The following CORO2B variants were observed in gnomAD, a reference collection of about 807,000 sequenced individuals.
CORO2B encodes coronin 2B, also known as coronin-2B.
A neutral mutation model predicts 58.8 loss-of-function variants in CORO2B; 26 were observed. The observed-to-expected ratio is 0.44, with a 90% CI of 0.32 to 0.61. The LOEUF is 0.61. CORO2B is among the 20% of genes least tolerant of loss of function. The probability of loss-of-function intolerance (pLI) is 0.04; values close to 1 mark genes in which losing one functional copy is unlikely to be tolerated. For missense variants in CORO2B, 460 were observed against 645.1 expected (o/e 0.71, Z 3.11); for synonymous variants, 242 against 253.8 (o/e 0.95, Z 0.44).
chr15:68,540,387 A>G, the CORO2B span, among the ~76,000 whole-genome samples: 1 of 152,278 alleles, frequency 6.6e-6, no homozygotes, highest in African/African-American at 2.4e-5. Context: ...TTTGAATTTT[A>G]TAATTGGCAG....
upstream of CORO2B, among the ~76,000 whole-genome samples, chr15:68,575,517 T>C (rs1397490463): frequency 7.6e-6 from 1 of 132,238 alleles, no homozygotes; most frequent in East Asian, 2.4e-4. Context: ...GTATGTTTAG[T>C]AGAAATGGGG....
intron 1 of CORO2B, among the ~76,000 whole-genome samples, chr15:68,619,317 TC>T (rs1425283122): frequency 1.3e-5 from 2 of 152,216 alleles, no homozygotes; most frequent in Non-Finnish European, 2.9e-5. Context: ...TAGATTTTCA[TC>T]CTGCTGCAAT....
At chr15:68,643,767 G>A (rs888369637) in intron 1 of CORO2B, among the ~76,000 whole-genome samples, 6 of 152,206 alleles carry the variant, frequency 3.9e-5, no homozygotes, top group African/African-American at 7.2e-5. Flanking sequence ...AGGCGGCACC[G>A]TGGCTCACAC....
chr15:68,573,640 AACAG>A, the CORO2B span, among the ~76,000 whole-genome samples: 4 of 152,112 alleles, frequency 2.6e-5, no homozygotes, highest in Non-Finnish European at 4.4e-5. Context: ...TGGGTGACAA[AACAG>A]ACAGAAAGGG....
the CORO2B span, among the ~76,000 whole-genome samples, chr15:68,563,760 A>G: frequency 1.3e-5 from 2 of 152,132 alleles, no homozygotes; most frequent in South Asian, 4.1e-4. Context: ...GAACAATTGT[A>G]TGCCAAAAAA....
the CORO2B span, among the ~76,000 whole-genome samples, chr15:68,528,702 T>C: frequency 3.2e-3 from 485 of 150,516 alleles, 4 homozygotes; most frequent in African/African-American, 0.011. Context: ...TTTTTTTTTT[T>C]TTTGAATTGG....
At chr15:68,544,775 CTTTTTTTTTTT>C in the CORO2B span, among the ~76,000 whole-genome samples, 2 of 140,800 alleles carry the variant, frequency 1.4e-5, no homozygotes, top group South Asian at 4.5e-4. Context: ...CATACACATT[CTTTTTTTTTTT>C]TTTTTTTTGA....
chr15:68,610,211 G>A (rs1420065568), intron 1 of CORO2B, among the ~76,000 whole-genome samples: 1 of 152,132 alleles, frequency 6.6e-6, no homozygotes, highest in Admixed American at 6.5e-5. Context: ...CTCACTAAAT[G>A]TCAATGGATG....
At position 68,726,001 on chromosome 15, in the gene CORO2B, C is replaced by T. The variant is rs200618733; in HGVS notation, c.*27C>T. On this transcript the variant is annotated 3_prime_UTR_variant, in exon 12 of 12. Coordinates refer to ENST00000261861, the MANE Select transcript of CORO2B (RefSeq NM_006091.5). Reference sequence around the variant, plus strand: ...TCCCCAGCTGGGCTGTTTTCTAAGCCGATCTCTCCGTCGTTTCTACTCATC... The same window carrying T: ...TCCCCAGCTGGGCTGTTTTCTAAGCTGATCTCTCCGTCGTTTCTACTCATC... The T allele has an allele frequency of 2.7e-4, 437 of 1,610,606 alleles. 2 individuals are homozygous for T. Among genetic ancestry groups the T allele is most frequent in the Non-Finnish European group, 2.4e-4 (283 of 1,179,856 alleles).
the CORO2B span, among the ~76,000 whole-genome samples, chr15:68,523,533 G>A: frequency 6.6e-6 from 1 of 152,136 alleles, no homozygotes; most frequent in African/African-American, 2.4e-5. Context: ...GACCATGAAA[G>A]GTTTCCCAAC....
intron 11 of CORO2B, among the ~76,000 whole-genome samples, chr15:68,720,210 C>T (rs1893129054): frequency 2.0e-5 from 3 of 152,352 alleles, no homozygotes; most frequent in Admixed American, 6.5e-5. Context: ...AATCCTGGCT[C>T]TGCCATTTCC....
intron 1 of CORO2B, among the ~76,000 whole-genome samples, chr15:68,629,444 G>A (rs1043483916): frequency 3.9e-5 from 6 of 152,220 alleles, no homozygotes; most frequent in Middle Eastern, 3.2e-3. Flanking sequence ...TGGTCCTGAC[G>A]CAGTGGAAGA....
At chr15:68,525,051 T>C in the CORO2B span, among the ~76,000 whole-genome samples, 1 of 152,244 alleles carries the variant, frequency 6.6e-6, no homozygotes, top group African/African-American at 2.4e-5. Flanking sequence ...CCTCTCTGTC[T>C]TATATTTAGG....
the CORO2B span, among the ~76,000 whole-genome samples, chr15:68,555,383 G>A: frequency 1.3e-5 from 2 of 152,172 alleles, no homozygotes; most frequent in Non-Finnish European, 2.9e-5. Context: ...CTGAGAGAAT[G>A]AGCTCCCCAC....
chr15:68,687,905 T>G (rs529164912), intron 2 of CORO2B, among the ~76,000 whole-genome samples: 145 of 152,322 alleles, frequency 9.5e-4, no homozygotes, highest in Non-Finnish European at 1.8e-3. Flanking sequence ...GGCACAGCCC[T>G]CATGACCTAA....
At chr15:68,665,188 T>C (rs944948774) in intron 2 of CORO2B, among the ~76,000 whole-genome samples, 1 of 152,174 alleles carries the variant, frequency 6.6e-6, no homozygotes, top group Non-Finnish European at 1.5e-5. Flanking sequence ...TAACTTTTTT[T>C]CCCCCAGGTA....
chr15:68,585,818 G>C (rs182632126), intron 1 of CORO2B, among the ~76,000 whole-genome samples: 1 of 152,212 alleles, frequency 6.6e-6, no homozygotes, highest in African/African-American at 2.4e-5. Flanking sequence ...TCGGGGAAGG[G>C]TGCTGGGGGA....
chr15:68,622,597 C>T (rs1566987833), intron 1 of CORO2B, among the ~76,000 whole-genome samples: 1 of 152,144 alleles, frequency 6.6e-6, no homozygotes, highest in African/African-American at 2.4e-5. Context: ...TGGACCTCAC[C>T]GACTACTCAT....
chr15:68,606,327 G>A (rs910148945), intron 1 of CORO2B, among the ~76,000 whole-genome samples: 2 of 152,148 alleles, frequency 1.3e-5, no homozygotes, highest in Non-Finnish European at 2.9e-5. Flanking sequence ...AGAATCACCT[G>A]GAGATCCCTC....
Sources: gnomAD v4.1 joint callset for allele counts (sites outside exome capture counted in the v4.1 genomes callset) on GRCh38, gnomAD v4.1.1 for gene constraint, MANE v1.5 for transcripts, NCBI Gene and HGNC (gene_info 2026-07-23, HGNC 2026-07-21) for gene names.